Variants in ATXN7L1 observed in about 807,000 individuals in gnomAD.
The protein encoded by ATXN7L1 is ataxin-7-like protein 1.
ATXN7L1 carries 15 observed loss-of-function variants against 70.8 expected under a neutral mutation model. The ratio of observed to expected loss-of-function variants is 0.21; its 90% CI spans 0.14 to 0.33. The LOEUF (loss-of-function observed/expected upper bound fraction) is 0.33. Among genes scored for constraint, ATXN7L1 ranks in the 10% least tolerant of loss-of-function variants. The probability of loss-of-function intolerance (pLI) is 1.00; values close to 1 mark genes in which losing one functional copy is unlikely to be tolerated. For synonymous variants in ATXN7L1, 440 were observed against 445.1 expected, an observed-to-expected ratio of 0.99 and a Z score of 0.14; for missense variants, 975 against 1,097.1, an observed-to-expected ratio of 0.89 and a Z score of 1.57.
In ATXN7L1 at chr7:105,605,106, C is replaced by G. The variant is rs1006020985; in HGVS notation, c.*2746G>C. On this transcript the variant is annotated 3_prime_UTR_variant, in exon 12 of 12. Coordinates refer to ENST00000419735, the MANE Select transcript of ATXN7L1 (RefSeq NM_020725.2). ...TATGCATTGCGTTATGCTTCACAAC[C>G]AGAGCTTTCGAGCCTCTATGGCTGG... 7.6e-6 allele frequency: 1 copy of G among 131,858 alleles called. No individual in the cohort carries two copies. Among genetic ancestry groups the G allele is most frequent in the Non-Finnish European group, 1.6e-5 (1 of 63,738 alleles). 8.2% of individuals were successfully genotyped at this position (131,858 alleles called of 1,614,324 possible).
chr7:105,688,587 G>A (rs765467801), intron 3 of ATXN7L1, among the ~76,000 whole-genome samples: 1 of 152,100 alleles, frequency 6.6e-6, no homozygotes, highest in African/African-American at 2.4e-5. Flanking sequence ...TTTTCAGAGG[G>A]TCAGTCAGGG....
intron 2 of ATXN7L1, among the ~76,000 whole-genome samples, chr7:105,825,620 G>GTTTTTTTTTTTTTT (rs1276590419): frequency 6.6e-6 from 1 of 151,508 alleles, no homozygotes; most frequent in African/African-American, 2.4e-5. Context: ...CAATAAGCAT[G>GTTTTTTTTTTTTTT]TTTTTAAGAC....
chr7:105,774,772 A>C (rs1802498455), intron 3 of ATXN7L1, among the ~76,000 whole-genome samples: 1 of 152,152 alleles, frequency 6.6e-6, no homozygotes, highest in South Asian at 2.1e-4. Context: ...AGAAGATTAC[A>C]TATGGGGTGG....
intron 2 of ATXN7L1, among the ~76,000 whole-genome samples, chr7:105,816,737 T>C (rs1809259112): frequency 6.6e-6 from 1 of 152,236 alleles, no homozygotes; most frequent in South Asian, 2.1e-4. Context: ...TTCGTTCCTA[T>C]GCAGGACAAG....
At chr7:105,717,159 G>A (rs113322328) in intron 3 of ATXN7L1, among the ~76,000 whole-genome samples, 64 of 152,050 alleles carry the variant, frequency 4.2e-4, no homozygotes, top group South Asian at 1.7e-3. Flanking sequence ...ATGGGGTCTC[G>A]CTCTGTCGCC....
intron 3 of ATXN7L1, among the ~76,000 whole-genome samples, chr7:105,672,913 A>G (rs10261202): frequency 0.02 from 2,986 of 152,376 alleles, 111 homozygotes; most frequent in African/African-American, 0.067. Flanking sequence ...GAAAAGCCAA[A>G]TCCTTTTACT....
chr7:105,843,783 T>C (rs939686656), intron 2 of ATXN7L1, among the ~76,000 whole-genome samples: 2 of 152,240 alleles, frequency 1.3e-5, no homozygotes, highest in African/African-American at 4.8e-5. Flanking sequence ...GTTTCCACAA[T>C]TCTTGTAGAA....
chr7:105,695,010 G>C (rs1460870122), intron 3 of ATXN7L1, among the ~76,000 whole-genome samples: 1 of 152,212 alleles, frequency 6.6e-6, no homozygotes, highest in Admixed American at 6.6e-5. Context: ...AATTAGTTGG[G>C]CGTGGTGGCC....
chr7:105,867,432 G>A (rs1276676909), intron 2 of ATXN7L1, among the ~76,000 whole-genome samples: 1 of 152,176 alleles, frequency 6.6e-6, no homozygotes, highest in East Asian at 1.9e-4. Flanking sequence ...TACCAGAATT[G>A]ATGCTTTGGG....
At chr7:105,861,481 AG>A (rs140442462) in intron 2 of ATXN7L1, among the ~76,000 whole-genome samples, 6,040 of 144,446 alleles carry the variant, frequency 0.042, 304 homozygotes, top group East Asian at 0.27. Flanking sequence ...GGAGGAGAGG[AG>A]GAGGGGGTCT....
chr7:105,685,346 G>T (rs1291275155), intron 3 of ATXN7L1, among the ~76,000 whole-genome samples: 1 of 152,192 alleles, frequency 6.6e-6, no homozygotes, highest in African/African-American at 2.4e-5. Context: ...ATAGTATGCT[G>T]ATTACTGTTA....
chr7:105,676,344 T>TCACCAC lies in ATXN7L1; in HGVS notation c.356-11062_356-11057dup. ...AGTCACATGTGTTTAAACACAGGAGTCACCACAGCTTTGGTGAAAACTGGG... is the reference window on the plus strand; with the variant it reads ...AGTCACATGTGTTTAAACACAGGAGTCACCACCACCACAGCTTTGGTGAAAACTGGG... On this transcript the variant is annotated intron_variant, in intron 3 of 11. Transcript: ENST00000419735. Among the ~76,000 whole-genome samples the TCACCAC allele has an allele frequency of 2.6e-5, 4 of 151,432 alleles. No individual in the cohort carries two copies. The South Asian group carries it at 8.5e-4, about 32-fold the overall frequency.
intron 3 of ATXN7L1, chr7:105,679,180 C>T (rs1718538627): frequency 1.0e-6 from 1 of 975,222 alleles, no homozygotes; most frequent in African/African-American, 1.8e-5. Flanking sequence ...CACCACTTCC[C>T]CTTTAAGAGA....
chr7:105,633,485 A>G (rs1425970386), intron 7 of ATXN7L1, among the ~76,000 whole-genome samples: 1 of 152,160 alleles, frequency 6.6e-6, no homozygotes, highest in African/African-American at 2.4e-5. Flanking sequence ...TGGGAGGCTG[A>G]GGTGGGTGGA....
chr7:105,680,775 G>A (rs1424096411), intron 3 of ATXN7L1, among the ~76,000 whole-genome samples: 1 of 152,214 alleles, frequency 6.6e-6, no homozygotes, highest in African/African-American at 2.4e-5. Context: ...GGGCAGGCCC[G>A]AGGCCTGGGA....
At chr7:105,768,289 T>C (rs1284120868) in intron 3 of ATXN7L1, among the ~76,000 whole-genome samples, 1 of 152,228 alleles carries the variant, frequency 6.6e-6, no homozygotes, top group Non-Finnish European at 1.5e-5. Context: ...ACCCATTCCA[T>C]AGATGGGCAA....
At chr7:105,627,924 A>G (rs918247586) in intron 7 of ATXN7L1, among the ~76,000 whole-genome samples, 1 of 137,108 alleles carries the variant, frequency 7.3e-6, no homozygotes, top group African/African-American at 2.8e-5. Context: ...GGCTCACTGC[A>G]ACGTCTGCCA....
At chr7:105,782,642 G>A (rs961827011) in intron 3 of ATXN7L1, among the ~76,000 whole-genome samples, 3 of 152,356 alleles carry the variant, frequency 2.0e-5, no homozygotes, top group East Asian at 1.9e-4. Context: ...CCTGTAGGAC[G>A]CTATGGCACA....
At chr7:105,717,994 G>A (rs1794763503) in intron 3 of ATXN7L1, among the ~76,000 whole-genome samples, 1 of 152,080 alleles carries the variant, frequency 6.6e-6, no homozygotes, top group Admixed American at 6.6e-5. Flanking sequence ...TGTTTCTTAA[G>A]ACAACTATGA....
Sources: gnomAD v4.1 joint callset for allele counts (sites outside exome capture counted in the v4.1 genomes callset) on GRCh38, gnomAD v4.1.1 for gene constraint, MANE v1.5 for transcripts, NCBI Gene and HGNC (gene_info 2026-07-23, HGNC 2026-07-21) for gene names.